EBF2: variants seen among roughly 807,000 people sequenced by gnomAD.
The protein encoded by EBF2 is transcription factor COE2.
Under a neutral mutation model 72.8 loss-of-function variants are expected in EBF2, and 21 were observed. The observed-to-expected ratio is 0.29, with a 90% CI of 0.20 to 0.42. The LOEUF is 0.42. Ranked by LOEUF, EBF2 falls within the 10% of genes least tolerant of loss-of-function variation. EBF2 has a pLI of 1.00. For missense variants in EBF2, 637 were observed against 731.2 expected (o/e 0.87, Z 1.49); for synonymous variants, 299 against 274.2 (o/e 1.09, Z -0.89).
At chr8:26,002,707 A>G (rs892759264) in intron 6 of EBF2, among the ~76,000 whole-genome samples, 1 of 152,108 alleles carries the variant, frequency 6.6e-6, no homozygotes, top group African/African-American at 2.4e-5. Flanking sequence ...AGAAATAAAT[A>G]ATGAGGGTAG....
chr8:26,042,083 C>A lies in EBF2; in HGVS notation c.288+12G>T. On this transcript the variant is annotated intron_variant, in intron 2 of 15. Transcript: ENST00000520164. The stretch of plus-strand genomic sequence containing the variant: ...ATTAGGCCGCGGGGTTTGGGGGGTA[C>A]TTTCCGCTTACTTTGTCATTCTCCA... The A allele has an allele frequency of 2.5e-6, 4 of 1,612,748 alleles. No homozygotes were observed. The highest frequency in any genetic ancestry group is 3.4e-6 in the Non-Finnish European group (4 of 1,179,010).
At chr8:25,926,128 G>A (rs78051417) in intron 6 of EBF2, among the ~76,000 whole-genome samples, 1,916 of 152,178 alleles carry the variant, frequency 0.013, 32 homozygotes, top group African/African-American at 0.037. Flanking sequence ...TCCTTCTACC[G>A]GGAAGCAAGA....
In EBF2 at chr8:25,843,270, CT is replaced by C. The variant is rs1167862595; in HGVS notation, c.*1338del. The C allele has an allele frequency of 1.3e-5, 2 of 152,150 alleles. No homozygotes were observed. Among genetic ancestry groups the C allele is most frequent in the Admixed American group, 1.3e-4 (2 of 15,270 alleles). The allele number at this position is 152,150 out of a possible 1,614,324, so 9.4% of individuals were successfully genotyped here. A position where few individuals can be genotyped will look rare whatever the true frequency, so the allele number is the denominator to read the frequency against. On this transcript the variant is annotated 3_prime_UTR_variant, in exon 16 of 16. Transcript: ENST00000520164. ...TCCCTCTCCCACATTCCGTCTCATT[CT>C]TGACTAGAAACTGTCGAGTGGCATA...
chr8:25,850,494 T>C lies in EBF2; in HGVS notation c.1696+100A>G. ...TGATAAGAACAGCAAAGCATCTCTT[T>C]GCAGGTAAATGGCTGGAGCTATACA... On this transcript the variant is annotated intron_variant, in intron 15 of 15. Transcript: ENST00000520164. 3 of 1,332,186 alleles carry C rather than the reference T, an allele frequency of 2.3e-6. No homozygotes were observed. The South Asian group carries it at 5.4e-5, about 24-fold the overall frequency. The allele number at this position is 1,332,186 out of a possible 1,614,324, so 82.5% of individuals were successfully genotyped here.
intron 6 of EBF2, among the ~76,000 whole-genome samples, chr8:25,962,476 C>T (rs753756504): frequency 2.6e-5 from 4 of 151,960 alleles, no homozygotes; most frequent in African/African-American, 4.8e-5. Context: ...AGCCTCTGAA[C>T]CTAAAGCCAT....
At chr8:25,869,224 A>G (rs1364255618) in intron 10 of EBF2, among the ~76,000 whole-genome samples, 1 of 152,144 alleles carries the variant, frequency 6.6e-6, no homozygotes, top group East Asian at 1.9e-4. Flanking sequence ...TGTCTTTCTC[A>G]CACATAAATG....
At chr8:25,989,591 A>G (rs1485746) in intron 6 of EBF2, among the ~76,000 whole-genome samples, 31,839 of 152,188 alleles carry the variant, frequency 0.21, 3,648 homozygotes, top group Non-Finnish European at 0.25. Context: ...TTGGGAATCA[A>G]CATGATTCAG....
At chr8:25,995,921 AAATT>A (rs1332423750) in intron 6 of EBF2, among the ~76,000 whole-genome samples, 1 of 152,100 alleles carries the variant, frequency 6.6e-6, no homozygotes, top group East Asian at 1.9e-4. Context: ...TTCCAAAGAA[AAATT>A]GGCAGAAAAA....
intron 6 of EBF2, among the ~76,000 whole-genome samples, chr8:25,928,463 T>C (rs1226884457): frequency 6.6e-6 from 1 of 152,126 alleles, no homozygotes. Context: ...ATTTTCTATT[T>C]CCCACCTCAG....
At chr8:25,938,902 A>G (rs141757307) in intron 6 of EBF2, among the ~76,000 whole-genome samples, 110 of 152,252 alleles carry the variant, frequency 7.2e-4, no homozygotes, top group Middle Eastern at 6.8e-3. Flanking sequence ...CTTCCAAAGC[A>G]CAAAGCTCAC....
intron 6 of EBF2, among the ~76,000 whole-genome samples, chr8:25,916,368 G>A (rs923305804): frequency 1.3e-5 from 2 of 151,910 alleles, no homozygotes; most frequent in Admixed American, 1.3e-4. Context: ...CAATAGTGAG[G>A]ACTAGTTATT....
intron 10 of EBF2, among the ~76,000 whole-genome samples, chr8:25,882,251 T>C (rs1585274151): frequency 6.6e-6 from 1 of 152,164 alleles, no homozygotes; most frequent in East Asian, 1.9e-4. Flanking sequence ...GTCTGAACAG[T>C]GAGGCACTGA....
rs201388901 is a variant in EBF2, at chr8:25,908,590, T to G, written c.552-35A>C. 2.2e-6 allele frequency: 3 copies of G among 1,357,748 alleles called. No homozygotes were observed. The African/African-American group carries it at 4.3e-5, about 20-fold the overall frequency. 84.1% of individuals were successfully genotyped at this position (1,357,748 alleles called of 1,614,324 possible). A position where few individuals can be genotyped will look rare whatever the true frequency, so the allele number is the denominator to read the frequency against. ...GAAAGCGATGTGTTACATTTTTCAG[T>G]AAACATTTTTAAAGGGAGAATATAG... On this transcript the variant is annotated intron_variant, in intron 6 of 15. Transcript: ENST00000520164.
chr8:25,926,993 T>C (rs1803398078), intron 6 of EBF2, among the ~76,000 whole-genome samples: 1 of 152,164 alleles, frequency 6.6e-6, no homozygotes, highest in Non-Finnish European at 1.5e-5. Context: ...TTAGTTCTTG[T>C]CAACATGGCT....
At chr8:25,860,449 T>C (rs571608554) in intron 13 of EBF2, among the ~76,000 whole-genome samples, 29 of 152,128 alleles carry the variant, frequency 1.9e-4, no homozygotes, top group African/African-American at 6.7e-4. Flanking sequence ...ACCTATTTTC[T>C]ATAAGCCCAA....
chr8:25,995,261 G>A (rs1156863566), intron 6 of EBF2, among the ~76,000 whole-genome samples: 5 of 152,072 alleles, frequency 3.3e-5, no homozygotes, highest in African/African-American at 7.2e-5. Flanking sequence ...AGCTGAGATC[G>A]CACCACAGCA....
intron 6 of EBF2, among the ~76,000 whole-genome samples, chr8:25,957,873 T>C (rs1331343215): frequency 2.0e-5 from 3 of 152,140 alleles, no homozygotes; most frequent in Non-Finnish European, 4.4e-5. Context: ...AGTTACCAAA[T>C]AAGATGGTGT....
intron 14 of EBF2, 53 bp from the exon 15 acceptor site, chr8:25,850,814 C>T: frequency 6.6e-6 from 10 of 1,521,800 alleles, no homozygotes; most frequent in Non-Finnish European, 6.1e-6. Context: ...TCCTTCAGTT[C>T]ACACATTTGG....
At chr8:26,006,933 A>G (rs1804892744) in intron 6 of EBF2, among the ~76,000 whole-genome samples, 1 of 152,190 alleles carries the variant, frequency 6.6e-6, no homozygotes, top group South Asian at 2.1e-4. Flanking sequence ...CCATATTTAC[A>G]TTTTCACCTT....
Sources: gnomAD v4.1 joint callset for allele counts (sites outside exome capture counted in the v4.1 genomes callset) on GRCh38, gnomAD v4.1.1 for gene constraint, MANE v1.5 for transcripts, NCBI Gene and HGNC (gene_info 2026-07-23, HGNC 2026-07-21) for gene names.